Variants in DRC11 observed in about 807,000 individuals in gnomAD.
DRC11 encodes dynein regulatory complex subunit 11, also known as IQ and AAA domain-containing protein 1.
At chr2:236,368,432 G>C in the DRC11 span, 3 of 604,696 alleles carry the variant, frequency 5.0e-6, no homozygotes, top group African/African-American at 5.6e-5. Flanking sequence ...CCTATTAGGA[G>C]AGTCATTATG....
chr2:236,488,454 C>T, the DRC11 span, among the ~76,000 whole-genome samples: 4 of 152,036 alleles, frequency 2.6e-5, no homozygotes, highest in South Asian at 2.1e-4. Context: ...ATTAGCTCCA[C>T]GATATTTTAG....
At chr2:236,488,489 T>C in the DRC11 span, among the ~76,000 whole-genome samples, 1 of 152,164 alleles carries the variant, frequency 6.6e-6, no homozygotes, top group Non-Finnish European at 1.5e-5. Context: ...ATACTAAAAA[T>C]GTCAATAAAA....
At chr2:236,503,132 T>C in the DRC11 span, among the ~76,000 whole-genome samples, 8 of 152,282 alleles carry the variant, frequency 5.3e-5, no homozygotes, top group Middle Eastern at 6.8e-3. The surrounding 1 kb of genome is among the most constrained non-coding windows in gnomAD (Gnocchi z 4.9). Flanking sequence ...ACTTCCAACA[T>C]TGGCCACACC....
At chr2:236,374,006 G>A in the DRC11 span, among the ~76,000 whole-genome samples, 1 of 152,022 alleles carries the variant, frequency 6.6e-6, no homozygotes. Context: ...TTCTTATTCC[G>A]GTCCTTTACA....
the DRC11 span, among the ~76,000 whole-genome samples, chr2:236,494,090 A>G: frequency 5.3e-5 from 8 of 152,204 alleles, no homozygotes; most frequent in African/African-American, 1.9e-4. This position sits in a 1 kb window ranked among gnomAD's most constrained non-coding sequence, Gnocchi z 4.2. Flanking sequence ...AATCATAACC[A>G]TGCCCCTTGC....
chr2:236,503,634 T>C, the DRC11 span: 44 of 1,550,536 alleles, frequency 2.8e-5, no homozygotes, highest in Middle Eastern at 8.3e-4. The surrounding 1 kb of genome is among the most constrained non-coding windows in gnomAD (Gnocchi z 4.9). Context: ...TCATTACCTG[T>C]TTTCCTCAGC....
the DRC11 span, among the ~76,000 whole-genome samples, chr2:236,445,331 ATTAT>A: frequency 1.1e-4 from 16 of 151,914 alleles, no homozygotes; most frequent in African/African-American, 3.6e-4. The surrounding 1 kb of genome is among the most constrained non-coding windows in gnomAD (Gnocchi z 4.8). Context: ...TATTAAATAT[ATTAT>A]TTATTTATTT....
chr2:236,360,937 G>A, the DRC11 span, among the ~76,000 whole-genome samples: 23 of 152,094 alleles, frequency 1.5e-4, no homozygotes, highest in African/African-American at 5.3e-4. This position sits in a 1 kb window ranked among gnomAD's most constrained non-coding sequence, Gnocchi z 5.8. Flanking sequence ...ACAAAGCCCC[G>A]CTTGCTTCAG....
the DRC11 span, among the ~76,000 whole-genome samples, chr2:236,427,035 T>C: frequency 1.3e-5 from 2 of 152,364 alleles, no homozygotes; most frequent in Non-Finnish European, 2.9e-5. This position sits in a 1 kb window ranked among gnomAD's most constrained non-coding sequence, Gnocchi z 5.9. Flanking sequence ...ATTAAAATGA[T>C]CATATGATTT....
the DRC11 span, among the ~76,000 whole-genome samples, chr2:236,352,680 G>A: frequency 6.6e-6 from 1 of 152,080 alleles, no homozygotes; most frequent in African/African-American, 2.4e-5. The surrounding 1 kb of genome is among the most constrained non-coding windows in gnomAD (Gnocchi z 7.0). Context: ...GATCCTTTAC[G>A]AAAATGGGAT....
chr2:236,339,328 T>C, the DRC11 span, among the ~76,000 whole-genome samples: 2 of 152,256 alleles, frequency 1.3e-5, no homozygotes, highest in African/African-American at 4.8e-5. Flanking sequence ...AGTCCCTCAA[T>C]ATTACATGGT....
the DRC11 span, among the ~76,000 whole-genome samples, chr2:236,320,362 C>G: frequency 1.3e-5 from 2 of 152,120 alleles, no homozygotes; most frequent in African/African-American, 4.8e-5. Context: ...TGGCTTGGGT[C>G]CCACAGTATC....
the DRC11 span, among the ~76,000 whole-genome samples, chr2:236,365,305 A>AAACTG: frequency 6.6e-6 from 1 of 152,058 alleles, no homozygotes; most frequent in African/African-American, 2.4e-5. This position sits in a 1 kb window ranked among gnomAD's most constrained non-coding sequence, Gnocchi z 7.4. Flanking sequence ...TTCAGAGAAG[A>AAACTG]AACTGCTCCC....
At chr2:236,506,534 T>C in the DRC11 span, among the ~76,000 whole-genome samples, 1 of 152,234 alleles carries the variant, frequency 6.6e-6, no homozygotes, top group Non-Finnish European at 1.5e-5. This position sits in a 1 kb window ranked among gnomAD's most constrained non-coding sequence, Gnocchi z 4.9. Flanking sequence ...CAGTGCAGGC[T>C]GGAGCTACAG....
the DRC11 span, chr2:236,332,275 G>A: frequency 0.022 from 3,403 of 152,302 alleles, 53 homozygotes; most frequent in Non-Finnish European, 0.034. This position sits in a 1 kb window ranked among gnomAD's most constrained non-coding sequence, Gnocchi z 5.1. Flanking sequence ...CTGAACACAG[G>A]GATGCTGTGA....
At chr2:236,487,731 A>T in the DRC11 span, among the ~76,000 whole-genome samples, 1 of 152,244 alleles carries the variant, frequency 6.6e-6, no homozygotes, top group Non-Finnish European at 1.5e-5. Flanking sequence ...TTTCAGCAAC[A>T]TTCATTTCAA....
chr2:236,357,621 A>G, the DRC11 span, among the ~76,000 whole-genome samples: 1 of 119,194 alleles, frequency 8.4e-6, no homozygotes, highest in Non-Finnish European at 1.6e-5. Flanking sequence ...TTATAAATAT[A>G]TAAATATGCA....
chr2:236,314,447 A>T, the DRC11 span, among the ~76,000 whole-genome samples: 2 of 152,224 alleles, frequency 1.3e-5, no homozygotes, highest in Non-Finnish European at 2.9e-5. This position sits in a 1 kb window ranked among gnomAD's most constrained non-coding sequence, Gnocchi z 4.5. Flanking sequence ...CAACATCATA[A>T]CTAAATGGCC....
At chr2:236,389,349 G>A in the DRC11 span, among the ~76,000 whole-genome samples, 4 of 152,200 alleles carry the variant, frequency 2.6e-5, no homozygotes, top group Admixed American at 6.5e-5. Flanking sequence ...GCCAGGTGCC[G>A]GATATAATCT....
Sources: gnomAD v4.1 joint callset for allele counts (sites outside exome capture counted in the v4.1 genomes callset) on GRCh38, gnomAD v4.1.1 for gene constraint, Gnocchi (gnomAD v3.1) non-coding constraint, MANE v1.5 for transcripts, NCBI Gene and HGNC (gene_info 2026-07-23, HGNC 2026-07-21) for gene names.